The following PCDH15 variants were observed in gnomAD, a reference collection of about 807,000 sequenced individuals.
PCDH15 encodes protocadherin related 15, also known as protocadherin-15.
In PCDH15, 129 loss-of-function variants were observed where a neutral mutation model predicts 178.5. The observed-to-expected ratio is 0.72, with a 90% CI of 0.63 to 0.84. PCDH15 has a LOEUF of 0.84. Among genes scored for constraint, PCDH15 ranks in the 40% least tolerant of loss-of-function variants. PCDH15 has a pLI of 0.00. For missense variants in PCDH15, 2,230 were observed against 2,099.9 expected, an observed-to-expected ratio of 1.06 and a Z score of -1.21; for synonymous variants, 800 against 732.0, an observed-to-expected ratio of 1.09 and a Z score of -1.50.
chr10:54,709,629 A>T (rs1317151548), intron 1 of PCDH15, among the ~76,000 whole-genome samples: 4 of 113,738 alleles, frequency 3.5e-5, no homozygotes, highest in Non-Finnish European at 6.0e-5. Flanking sequence ...TATATATATA[A>T]AATCACTTTA....
Position 55,529,274 on chromosome 10 carries a change from C to CATTGCTTT in PCDH15, c.-156+98350_-156+98351insAAAGCAAT, listed in dbSNP as rs1565227096. Among the ~76,000 whole-genome samples, 294 of 152,082 alleles carry CATTGCTTT rather than the reference C, an allele frequency of 1.9e-3. 10 individuals are homozygous for CATTGCTTT. In the East Asian group the frequency reaches 0.052, roughly 27 times the overall value. On this transcript the variant is annotated intron_variant, in intron 2 of 5. Coordinates refer to the PCDH15 transcript ENST00000613346. ...ATTTTGGCTTTTGTTGTCATTGCTT[C>CATTGCTTT]TGGTGTTTTAGACATGAAGTCTTTG...
intron 3 of PCDH15, among the ~76,000 whole-genome samples, chr10:54,516,116 C>A (rs1268943544): frequency 1.3e-5 from 2 of 152,160 alleles, no homozygotes; most frequent in African/African-American, 4.8e-5. Flanking sequence ...GAATGCAGTT[C>A]CTCACCAGCA....
At chr10:55,299,243 A>G (rs1224660889) in intron 1 of PCDH15, among the ~76,000 whole-genome samples, 5 of 152,164 alleles carry the variant, frequency 3.3e-5, no homozygotes, top group South Asian at 2.1e-4. Context: ...ACAGATAGAA[A>G]TAAGATGTAA....
rs367713892 is a variant in PCDH15 at position 54,079,423 on chromosome 10, T to G, written c.1999A>C (p.Thr667Pro). The G allele has an allele frequency of 6.2e-7, 1 of 1,613,576 alleles. No individual in the cohort carries two copies. The highest frequency in any genetic ancestry group is 8.5e-7 in the Non-Finnish European group (1 of 1,179,516). The stretch of plus-strand genomic sequence containing the variant: ...GCTTTCCCTAAGGTTAGAATCCCCG[T>G]GCTAGTGACAAAACAAACAAACAAA... ...PQRVFNLSET[T>P]GILTLGKALD... is the part of the protein sequence containing the mutation. The change falls in exon 17 of 38, where the codon ACG becomes CCG. Residue 667 changes from threonine (T) to proline (P), a missense_variant and splice_region_variant. Coordinates refer to ENST00000644397, the MANE Select transcript of PCDH15 (RefSeq NM_001384140.1).
chr10:54,708,017 T>C (rs1273735025), intron 1 of PCDH15, among the ~76,000 whole-genome samples: 3 of 152,214 alleles, frequency 2.0e-5, no homozygotes, highest in African/African-American at 7.2e-5. Context: ...GAGTTTATCA[T>C]GTTTTAGCAA....
At chr10:54,658,709 G>T (rs1238452310) in intron 2 of PCDH15, among the ~76,000 whole-genome samples, 1 of 152,106 alleles carries the variant, frequency 6.6e-6, no homozygotes, top group Non-Finnish European at 1.5e-5. Context: ...AAAGTTCACA[G>T]ATCCCATAAA....
chr10:54,407,409 C>A (rs1468203114), intron 3 of PCDH15, among the ~76,000 whole-genome samples: 1 of 151,876 alleles, frequency 6.6e-6, no homozygotes, highest in Admixed American at 6.6e-5. Flanking sequence ...AAGGTCACTT[C>A]CAAATTGGTG....
chr10:54,257,197 C>T (rs7089768), intron 8 of PCDH15, among the ~76,000 whole-genome samples: 103,500 of 151,138 alleles, frequency 0.68, 36,385 homozygotes, highest in Middle Eastern at 0.75. Context: ...GAAAGTTTAA[C>T]TAATATATGA....
At chr10:53,857,326 A>T in intron 27 of PCDH15, 63 bp from the exon 28 acceptor site, 2 of 1,241,234 alleles carry the variant, frequency 1.6e-6, no homozygotes, top group Non-Finnish European at 2.4e-6. Flanking sequence ...TAATCAGAAA[A>T]CCCCCACATT....
intron 3 of PCDH15, among the ~76,000 whole-genome samples, chr10:54,858,915 G>A (rs945626827): frequency 6.6e-6 from 1 of 151,974 alleles, no homozygotes; most frequent in Non-Finnish European, 1.5e-5. Context: ...AAAAGAAAAT[G>A]ATAGGGCCAC....
At chr10:54,153,031 C>A (rs2044695288) in intron 14 of PCDH15, 69 bp downstream of exon 14, 1 of 1,544,736 alleles carries the variant, frequency 6.5e-7, no homozygotes, top group South Asian at 1.1e-5. Context: ...ACTTGCCGCG[C>A]TTCTTAAATT....
At chr10:54,205,018 T>C (rs1435943972) in intron 10 of PCDH15, among the ~76,000 whole-genome samples, 1 of 152,196 alleles carries the variant, frequency 6.6e-6, no homozygotes, top group African/African-American at 2.4e-5. Context: ...AATTTTATCA[T>C]ATCTTCCTAA....
intron 14 of PCDH15, among the ~76,000 whole-genome samples, chr10:54,142,590 A>G (rs572801354): frequency 6.6e-6 from 1 of 152,164 alleles, no homozygotes; most frequent in South Asian, 2.1e-4. Flanking sequence ...GTCTGGGCCT[A>G]TGTGTCAGAA....
intron 9 of PCDH15, 30 bp from the exon 10 acceptor site, chr10:54,214,078 T>A (rs1329573847): frequency 8.2e-7 from 1 of 1,216,048 alleles, no homozygotes. Flanking sequence ...CAGTACATAA[T>A]TGAGAACAAT....
intron 26 of PCDH15, among the ~76,000 whole-genome samples, chr10:53,898,070 CAAT>C (rs1227004222): frequency 6.8e-6 from 1 of 146,638 alleles, no homozygotes; most frequent in Non-Finnish European, 1.5e-5. Context: ...GGGTTCATGC[CAAT>C]CTCCTGCCTC....
rs560481398 is a variant in PCDH15 at position 54,790,665 on chromosome 10, T to C, written c.-29+10260A>G. On this transcript the variant is annotated intron_variant, in intron 1 of 37. Transcript: ENST00000644397. ...GACTTAAAATCCACCCACACAGAGA[T>C]ACATGAAAAATAATAAACACTGAAC... Among the ~76,000 whole-genome samples the C allele has an allele frequency of 1.2e-3, 188 of 151,950 alleles. 1 individual carries two copies. Among genetic ancestry groups the C allele is most frequent in the African/African-American group, 4.4e-3 (182 of 41,484 alleles).
chr10:55,408,409 C>T (rs1373650911), intron 2 of PCDH15, among the ~76,000 whole-genome samples: 1 of 151,966 alleles, frequency 6.6e-6, no homozygotes, highest in African/African-American at 2.4e-5. Context: ...TGGTCTTGAA[C>T]TCCTGACCAC....
intron 1 of PCDH15, among the ~76,000 whole-genome samples, chr10:55,251,517 T>A (rs1841835346): frequency 6.6e-6 from 1 of 152,210 alleles, no homozygotes; most frequent in Admixed American, 6.5e-5. Context: ...TGTCAATATT[T>A]TGTTCCTGTT....
chr10:54,282,441 A>G (rs2058757889), intron 8 of PCDH15, among the ~76,000 whole-genome samples: 1 of 152,152 alleles, frequency 6.6e-6, no homozygotes, highest in Non-Finnish European at 1.5e-5. Context: ...ATTATAGCTG[A>G]CATTTGAACA....
Sources: gnomAD v4.1 joint callset for allele counts (sites outside exome capture counted in the v4.1 genomes callset) on GRCh38, gnomAD v4.1.1 for gene constraint, MANE v1.5 for transcripts, NCBI Gene and HGNC (gene_info 2026-07-23, HGNC 2026-07-21) for gene names.